SLC25A15: variants seen among roughly 807,000 people sequenced by gnomAD.
SLC25A15 encodes the protein mitochondrial ornithine transporter 1.
A neutral mutation model predicts 32.3 loss-of-function variants in SLC25A15; 24 were observed. That is an observed-to-expected ratio of 0.74 (90% CI 0.54 to 1.04). SLC25A15 has a LOEUF of 1.04. Among genes scored for constraint, SLC25A15 ranks in the 50% least tolerant of loss-of-function variants. The pLI is 0.00. For missense variants in SLC25A15, 317 were observed against 374.5 expected, an observed-to-expected ratio of 0.85 and a Z score of 1.27; for synonymous variants, 132 against 142.1, an observed-to-expected ratio of 0.93 and a Z score of 0.51.
rs1249922147 is a variant in SLC25A15, at chr13:40,811,568, ACCAACCAAACT to A, written c.*1905_*1915del. ...TCACTGACCAAAAATTCACTGACCA[ACCAACCAAACT>A]CCACACTTCATCTGATCCCCCATAG... On this transcript the variant is annotated 3_prime_UTR_variant, in exon 7 of 7. Coordinates refer to ENST00000338625, the MANE Select transcript of SLC25A15 (RefSeq NM_014252.4). 6.6e-5 allele frequency among the ~76,000 whole-genome samples: 10 copies of A among 152,164 alleles called. No individual in the cohort carries two copies. The highest frequency in any genetic ancestry group is 1.5e-4 in the Non-Finnish European group (10 of 68,012).
At chr13:40,790,830 G>A (rs1005115159) in intron 1 of SLC25A15, among the ~76,000 whole-genome samples, 1 of 152,120 alleles carries the variant, frequency 6.6e-6, no homozygotes, top group Non-Finnish European at 1.5e-5. Flanking sequence ...CAGGTGATCC[G>A]CCCGCCTTGG....
At chr13:40,806,690 G>A (rs1017644959) in intron 4 of SLC25A15, among the ~76,000 whole-genome samples, 1 of 152,246 alleles carries the variant, frequency 6.6e-6, no homozygotes, top group African/African-American at 2.4e-5. Flanking sequence ...ACAAAGTGAG[G>A]AGAGAGGGAT....
chr13:40,796,927 A>G (rs1881686687), intron 2 of SLC25A15, among the ~76,000 whole-genome samples: 1 of 152,234 alleles, frequency 6.6e-6, no homozygotes, highest in Non-Finnish European at 1.5e-5. Context: ...GCTGGCCACC[A>G]TATCGCCGAA....
intron 3 of SLC25A15, 98 bp from the exon 4 acceptor site, chr13:40,805,020 G>T (rs182233461): frequency 6.8e-7 from 1 of 1,473,298 alleles, no homozygotes; most frequent in Non-Finnish European, 9.4e-7. Context: ...CCTCACGCCC[G>T]GCTCCTTACC....
At chr13:40,796,655 G>A (rs115976954) in intron 2 of SLC25A15, among the ~76,000 whole-genome samples, 1,718 of 152,140 alleles carry the variant, frequency 0.011, 42 homozygotes, top group African/African-American at 0.038. Flanking sequence ...AAACCTTTAC[G>A]ATGGCCTCCA....
chr13:40,793,322 G>A (rs753693450), intron 2 of SLC25A15, 41 bp downstream of exon 2: 2 of 1,538,358 alleles, frequency 1.3e-6, no homozygotes, highest in Admixed American at 3.4e-5. Context: ...TGTCGTTGAT[G>A]GATGGTGTAT....
chr13:40,798,053 G>C (rs1881728505), intron 2 of SLC25A15, among the ~76,000 whole-genome samples: 1 of 152,168 alleles, frequency 6.6e-6, no homozygotes, highest in African/African-American at 2.4e-5. Context: ...GCCAAGGCAG[G>C]AGGATCATTT....
chr13:40,804,925 GT>G (rs1200275740), intron 3 of SLC25A15, among the ~76,000 whole-genome samples, 192 bp from the exon 4 acceptor site: 1 of 151,988 alleles, frequency 6.6e-6, no homozygotes, highest in African/African-American at 2.4e-5. Flanking sequence ...CACAGATGCA[GT>G]CATAGCACTG....
intron 5 of SLC25A15, among the ~76,000 whole-genome samples, chr13:40,807,997 T>A (rs1437347110): frequency 6.6e-6 from 1 of 152,234 alleles, no homozygotes; most frequent in Non-Finnish European, 1.5e-5. Context: ...TTAATTGCTA[T>A]GTTTAATAAA....
At chr13:40,804,599 T>C (rs1256439266) in intron 3 of SLC25A15, among the ~76,000 whole-genome samples, 4 of 150,960 alleles carry the variant, frequency 2.6e-5, no homozygotes, top group Non-Finnish European at 5.9e-5. Flanking sequence ...TAGAGTACAG[T>C]GGCACAATCT....
intron 4 of SLC25A15, 28 bp from the exon 5 acceptor site, chr13:40,807,266 C>T (rs370639849): frequency 2.9e-5 from 46 of 1,611,292 alleles, no homozygotes; most frequent in East Asian, 4.5e-5. Flanking sequence ...CTGCTGTAAC[C>T]GTGCTATCTC....
chr13:40,806,364 T>C (rs190639091), intron 4 of SLC25A15, among the ~76,000 whole-genome samples: 2 of 152,282 alleles, frequency 1.3e-5, no homozygotes, highest in Admixed American at 6.5e-5. Flanking sequence ...GTAATAGTTA[T>C]ATCCAAAGGA....
At chr13:40,794,285 A>G (rs1184460659) in intron 2 of SLC25A15, among the ~76,000 whole-genome samples, 4 of 151,692 alleles carry the variant, frequency 2.6e-5, no homozygotes, top group Non-Finnish European at 5.9e-5. Context: ...GGTTGTGGTG[A>G]GCCAAGATCG....
At chr13:40,795,628 G>A (rs189101147) in intron 2 of SLC25A15, among the ~76,000 whole-genome samples, 2 of 152,178 alleles carry the variant, frequency 1.3e-5, no homozygotes, top group African/African-American at 2.4e-5. Context: ...TGAGGACAAC[G>A]AAGCCCATTC....
Position 40,793,239 on chromosome 13 carries a change from C to A in SLC25A15, c.13C>A (p.Pro5Thr), listed in dbSNP as rs751757710. The A allele has an allele frequency of 6.2e-7, 1 of 1,614,158 alleles. No individual in the cohort carries two copies. The highest frequency in any genetic ancestry group is 8.5e-7 in the Non-Finnish European group (1 of 1,180,010). ...AGAGTGGGCAAACATGAAATCCAATCCTGCTATCCAGGCTGCCATTGACCT... is the reference window on the plus strand; with the variant it reads ...AGAGTGGGCAAACATGAAATCCAATACTGCTATCCAGGCTGCCATTGACCT... MKSN[P>T]AIQAAIDLTA... The change falls in exon 2 of 7, where the codon CCT becomes ACT. Residue 5 changes from proline (P) to threonine (T), a missense_variant. Physicochemically the swap from Pro to Thr is conservative, Grantham distance 38. Coordinates refer to ENST00000338625, the MANE Select transcript of SLC25A15 (RefSeq NM_014252.4).
At chr13:40,799,349 T>A in intron 3 of SLC25A15, 34 bp downstream of exon 3, 1 of 1,613,718 alleles carries the variant, frequency 6.2e-7, no homozygotes, top group South Asian at 1.1e-5. Context: ...TTTATTTGTT[T>A]AAAAAAACCC....
Position 40,808,932 on chromosome 13 carries a change from C to CAAAA in SLC25A15, c.781+355_781+358dup, listed in dbSNP as rs58015661. On this transcript the variant is annotated intron_variant, in intron 6 of 6. Coordinates refer to ENST00000338625, the MANE Select transcript of SLC25A15 (RefSeq NM_014252.4). ...CCTGGGCAACAGCGAGACTCTGTCTCAAAAAAAAAAAAAAAAAAAAAATCT... is the reference window on the plus strand; with the variant it reads ...CCTGGGCAACAGCGAGACTCTGTCTCAAAAAAAAAAAAAAAAAAAAAAAAAATCT... 3.4e-3 allele frequency among the ~76,000 whole-genome samples: 268 copies of CAAAA among 78,848 alleles called. 7 individuals carry two copies. The highest frequency in any genetic ancestry group is 0.012 in the African/African-American group (253 of 21,608). 51.7% of individuals were successfully genotyped at this position (78,848 alleles called of 152,430 possible). A position where few individuals can be genotyped will look rare whatever the true frequency, so the allele number is the denominator to read the frequency against.
At chr13:40,794,755 G>C (rs1342622622) in intron 2 of SLC25A15, among the ~76,000 whole-genome samples, 2 of 152,120 alleles carry the variant, frequency 1.3e-5, no homozygotes, top group African/African-American at 4.8e-5. Flanking sequence ...GAGGCCAGCG[G>C]GGGTGTTGCC....
chr13:40,790,067 C>T (rs1425412814), intron 1 of SLC25A15, among the ~76,000 whole-genome samples: 1 of 152,158 alleles, frequency 6.6e-6, no homozygotes, highest in East Asian at 1.9e-4. Flanking sequence ...CTGACCTGTT[C>T]CTTGCGAGGC....
Sources: allele counts gnomAD v4.1 joint callset (sites outside exome capture counted in the v4.1 genomes callset), GRCh38; gene constraint gnomAD v4.1.1; transcripts MANE v1.5; gene names NCBI Gene and HGNC (gene_info 2026-07-23, HGNC 2026-07-21).